ITGB1: variants seen among roughly 807,000 people sequenced by gnomAD.
ITGB1 encodes the protein integrin subunit beta 1.
Under a neutral mutation model 86.5 loss-of-function variants are expected in ITGB1, and 24 were observed. That is an observed-to-expected ratio of 0.28 (90% CI 0.20 to 0.39). The LOEUF (loss-of-function observed/expected upper bound fraction) is 0.39. Ranked by LOEUF, ITGB1 falls within the 10% of genes least tolerant of loss-of-function variation. ITGB1 has a pLI of 1.00. For synonymous variants in ITGB1, 323 were observed against 316.8 expected (o/e 1.02, Z -0.21); for missense variants, 556 against 946.9 (o/e 0.59, Z 5.42).
At chr10:32,907,514 T>C (rs963352163) in intron 15 of ITGB1, among the ~76,000 whole-genome samples, 7 of 152,314 alleles carry the variant, frequency 4.6e-5, no homozygotes, top group African/African-American at 7.2e-5. Flanking sequence ...ATAATTTTCA[T>C]AGAGGAACAT....
intron 11 of ITGB1, among the ~76,000 whole-genome samples, chr10:32,917,580 A>G (rs1380917824): frequency 6.6e-6 from 1 of 152,224 alleles, no homozygotes; most frequent in Non-Finnish European, 1.5e-5. Context: ...CAGCCAACAG[A>G]CACATGAAAA....
At chr10:32,930,794 T>C (rs1412178119) in intron 3 of ITGB1, among the ~76,000 whole-genome samples, 1 of 152,112 alleles carries the variant, frequency 6.6e-6, no homozygotes, top group Non-Finnish European at 1.5e-5. Flanking sequence ...AAATTTCTAG[T>C]AATGACAGAG....
At chr10:32,929,704 G>C (rs1054222724) in intron 4 of ITGB1, 118 bp downstream of exon 4, 2 of 669,410 alleles carry the variant, frequency 3.0e-6, no homozygotes, top group Admixed American at 2.4e-5. Context: ...CCACATTTTT[G>C]AGTGCCAGTC....
intron 15 of ITGB1, among the ~76,000 whole-genome samples, chr10:32,903,725 T>G (rs1244677540): frequency 6.6e-6 from 1 of 152,148 alleles, no homozygotes. Flanking sequence ...TACATCAAAC[T>G]CTCAGCTCTA....
At chr10:32,933,996 T>TATACACATACTGTACTAC (rs1353982365) in intron 2 of ITGB1, among the ~76,000 whole-genome samples, 4 of 152,138 alleles carry the variant, frequency 2.6e-5, no homozygotes, top group African/African-American at 9.7e-5. Flanking sequence ...CAAGTACACA[T>TATACACATACTGTACTAC]ATACACATAC....
chr10:32,958,092 G>C (rs1049849778), intron 1 of ITGB1, 53 bp downstream of exon 1: 14 of 150,974 alleles, frequency 9.3e-5, no homozygotes, highest in African/African-American at 2.7e-4. Flanking sequence ...CCGCGCACAG[G>C]AGACCGGAGG....
chr10:32,923,459 C>G, intron 7 of ITGB1, 126 bp downstream of exon 7: 1 of 680,054 alleles, frequency 1.5e-6, no homozygotes, highest in South Asian at 2.4e-5. Context: ...AATCAGGACC[C>G]CTACTTACCA....
chr10:32,945,551 A>G (rs1021007215), intron 1 of ITGB1, among the ~76,000 whole-genome samples: 2 of 152,146 alleles, frequency 1.3e-5, no homozygotes, highest in Admixed American at 6.5e-5. Context: ...GTGAGCTGAG[A>G]TCACGCCACT....
At chr10:32,928,347 CA>C (rs1420395362) in intron 4 of ITGB1, 83 bp from the exon 5 acceptor site, 10 of 643,246 alleles carry the variant, frequency 1.6e-5, no homozygotes, top group African/African-American at 1.5e-4. Flanking sequence ...ATGTGGTTTA[CA>C]CGGTAAACAC....
At chr10:32,946,389 T>C (rs2095031325) in intron 1 of ITGB1, among the ~76,000 whole-genome samples, 1 of 152,200 alleles carries the variant, frequency 6.6e-6, no homozygotes, top group Admixed American at 6.5e-5. Context: ...AAGGAGTTCT[T>C]TGTTCCTGAT....
chr10:32,925,663 C>A (rs1256668611), intron 6 of ITGB1, among the ~76,000 whole-genome samples: 1 of 152,222 alleles, frequency 6.6e-6, no homozygotes, highest in Non-Finnish European at 1.5e-5. Context: ...AATAAACTAA[C>A]TGTGTGGTTT....
intron 2 of ITGB1, chr10:32,933,482 C>G: frequency 6.6e-6 from 1 of 152,148 alleles, no homozygotes; most frequent in Non-Finnish European, 1.5e-5. Context: ...TTGCATCTAC[C>G]TAAGGAAGAG....
intron 1 of ITGB1, among the ~76,000 whole-genome samples, chr10:32,936,575 T>C (rs2095002739): frequency 6.6e-6 from 1 of 152,128 alleles, no homozygotes; most frequent in Non-Finnish European, 1.5e-5. Context: ...AAGTCTTGTC[T>C]TCTAGAACCT....
intron 9 of ITGB1, among the ~76,000 whole-genome samples, chr10:32,920,834 T>G (rs1243097682): frequency 1.0e-4 from 14 of 140,666 alleles, no homozygotes; most frequent in Admixed American, 8.8e-4. Context: ...AAAAAAAAAT[T>G]TATCCAAGCA....
chr10:32,930,976 T>C (rs1011054959), intron 3 of ITGB1, among the ~76,000 whole-genome samples: 3 of 152,156 alleles, frequency 2.0e-5, no homozygotes, highest in African/African-American at 4.8e-5. Flanking sequence ...TTATATATGG[T>C]ATTTATTTAT....
chr10:32,938,586 C>G (rs2095009868), intron 1 of ITGB1, among the ~76,000 whole-genome samples: 1 of 152,184 alleles, frequency 6.6e-6, no homozygotes, highest in Non-Finnish European at 1.5e-5. Flanking sequence ...CTTCTGAAAC[C>G]CTTGTGCCTC....
intron 15 of ITGB1, among the ~76,000 whole-genome samples, chr10:32,907,714 T>C (rs533170101): frequency 7.2e-5 from 11 of 152,146 alleles, no homozygotes; most frequent in Non-Finnish European, 1.2e-4. Context: ...TGGAATCATA[T>C]AGTATATAGC....
chr10:32,908,244 CT>C, intron 15 of ITGB1, 123 bp downstream of exon 15: 2 of 939,326 alleles, frequency 2.1e-6, no homozygotes, highest in Non-Finnish European at 3.4e-6. Flanking sequence ...GAGTAAGAAA[CT>C]TTTGGGGGAA....
In ITGB1 at chr10:32,939,139, T is replaced by G. The variant is rs534858774; in HGVS notation, c.1-3581A>C. On this transcript the variant is annotated intron_variant, in intron 1 of 15. Transcript: ENST00000302278. ...CCCTAGGCTTAAAATCCACAATCCC[T>G]GAGCATGGGGCCTGGACTCCAGGTG... Among the ~76,000 whole-genome samples, 21 of 152,268 alleles carry G rather than the reference T, an allele frequency of 1.4e-4. 1 individual carries two copies. The highest frequency in any genetic ancestry group is 4.1e-4 in the African/African-American group (17 of 41,568).
Sources: gnomAD v4.1 joint callset for allele counts (sites outside exome capture counted in the v4.1 genomes callset) on GRCh38, gnomAD v4.1.1 for gene constraint, MANE v1.5 for transcripts, NCBI Gene and HGNC (gene_info 2026-07-23, HGNC 2026-07-21) for gene names.